GULP1: variants seen among roughly 807,000 people sequenced by gnomAD.
GULP1 encodes the protein PTB domain-containing engulfment adapter protein 1.
Under a neutral mutation model 40.9 loss-of-function variants are expected in GULP1, and 19 were observed. The ratio of observed to expected loss-of-function variants is 0.46; its 90% CI spans 0.32 to 0.68. GULP1 has a LOEUF of 0.68. GULP1 is among the 30% of genes least tolerant of loss of function. GULP1 has a pLI of 0.03. For synonymous variants in GULP1, 119 were observed against 117.6 expected, an observed-to-expected ratio of 1.01 and a Z score of -0.08; for missense variants, 312 against 362.2, an observed-to-expected ratio of 0.86 and a Z score of 1.12.
chr2:188,514,935 G>A (rs2153219548), intron 4 of GULP1, among the ~76,000 whole-genome samples: 1 of 152,196 alleles, frequency 6.6e-6, no homozygotes, highest in Middle Eastern at 3.4e-3. Context: ...ATGTACCATT[G>A]TTTAAGAATC....
intron 2 of GULP1, among the ~76,000 whole-genome samples, chr2:188,385,931 C>G (rs1277108576): frequency 6.6e-6 from 1 of 152,150 alleles, no homozygotes; most frequent in African/African-American, 2.4e-5. Flanking sequence ...TAGGGAGTTC[C>G]AAACTTTCCC....
At chr2:188,551,004 C>T (rs1693319798) in intron 7 of GULP1, among the ~76,000 whole-genome samples, 1 of 151,404 alleles carries the variant, frequency 6.6e-6, no homozygotes. Flanking sequence ...GAAGAATTGG[C>T]TTATTATGAC....
chr2:188,524,484 C>T (rs745306857), intron 5 of GULP1, among the ~76,000 whole-genome samples: 2 of 151,824 alleles, frequency 1.3e-5, no homozygotes, highest in Non-Finnish European at 2.9e-5. Flanking sequence ...ATTTAATAAG[C>T]AATTTTACTG....
chr2:188,309,932 C>T (rs1189556929), intron 1 of GULP1, among the ~76,000 whole-genome samples: 1 of 152,208 alleles, frequency 6.6e-6, no homozygotes, highest in Non-Finnish European at 1.5e-5. Context: ...GACTTATAAG[C>T]TTAATCTGCC....
intron 4 of GULP1, among the ~76,000 whole-genome samples, chr2:188,499,782 A>G (rs1331857116): frequency 1.3e-5 from 2 of 151,862 alleles, no homozygotes; most frequent in Admixed American, 6.6e-5. Context: ...CTACCTATTT[A>G]CATATGTTAA....
intron 2 of GULP1, among the ~76,000 whole-genome samples, chr2:188,429,414 C>A (rs2056595797): frequency 6.6e-6 from 1 of 152,006 alleles, no homozygotes; most frequent in African/African-American, 2.4e-5. Context: ...TTATGAGAAT[C>A]TCTTGAACCC....
intron 7 of GULP1, among the ~76,000 whole-genome samples, chr2:188,548,826 A>AGGTTT (rs1692653755): frequency 1.6e-5 from 1 of 62,652 alleles, no homozygotes; most frequent in African/African-American, 5.4e-5. Context: ...AGGGGAAAGA[A>AGGTTT]GGTTTTGTTT....
intron 1 of GULP1, among the ~76,000 whole-genome samples, chr2:188,365,856 C>T (rs1276799042): frequency 6.6e-6 from 1 of 152,124 alleles, no homozygotes; most frequent in Non-Finnish European, 1.5e-5. Context: ...ATGGTATATG[C>T]ACATTTGAAA....
chr2:188,310,529 T>C (rs1390276664), intron 1 of GULP1, among the ~76,000 whole-genome samples: 3 of 152,144 alleles, frequency 2.0e-5, no homozygotes, highest in South Asian at 2.1e-4. Flanking sequence ...CAAGGAAATA[T>C]GAGACAAAGA....
chr2:188,323,524 C>G (rs967770444), intron 1 of GULP1, among the ~76,000 whole-genome samples: 1 of 151,690 alleles, frequency 6.6e-6, no homozygotes, highest in African/African-American at 2.4e-5. Flanking sequence ...TAAACAATAT[C>G]CTGAAGAATC....
chr2:188,447,550 C>T (rs2058497001), intron 2 of GULP1, among the ~76,000 whole-genome samples: 1 of 152,168 alleles, frequency 6.6e-6, no homozygotes, highest in Non-Finnish European at 1.5e-5. Flanking sequence ...ATTAGAGTCA[C>T]ACCAGCTTAC....
At chr2:188,350,640 C>G (rs777704612) in intron 1 of GULP1, among the ~76,000 whole-genome samples, 9 of 151,694 alleles carry the variant, frequency 5.9e-5, no homozygotes, top group Non-Finnish European at 1.0e-4. Flanking sequence ...ATAGTTCCTC[C>G]TTTTCAATGT....
chr2:188,412,452 G>A (rs1038361799), intron 2 of GULP1, among the ~76,000 whole-genome samples: 3 of 152,070 alleles, frequency 2.0e-5, no homozygotes, highest in Non-Finnish European at 2.9e-5. Flanking sequence ...GGTAGGAAGA[G>A]CCCAAAGTAG....
intron 11 of GULP1, chr2:188,590,231 C>T (rs1703253189): frequency 6.6e-6 from 1 of 152,170 alleles, no homozygotes; most frequent in East Asian, 1.9e-4. Flanking sequence ...ACTTAGACCT[C>T]CCAAAGTGCT....
At chr2:188,411,722 A>G (rs1487419690) in intron 2 of GULP1, among the ~76,000 whole-genome samples, 5 of 152,194 alleles carry the variant, frequency 3.3e-5, no homozygotes, top group Admixed American at 6.5e-5. Flanking sequence ...CTGACCATCC[A>G]GCCAAACCAT....
At chr2:188,356,665 A>T (rs990213430) in intron 1 of GULP1, among the ~76,000 whole-genome samples, 2 of 152,130 alleles carry the variant, frequency 1.3e-5, no homozygotes, top group Admixed American at 1.3e-4. Context: ...AATGACATTC[A>T]TCACAGAAAT....
At chr2:188,563,693 CTGTAA>C (rs1696925217) in intron 7 of GULP1, among the ~76,000 whole-genome samples, 1 of 151,684 alleles carries the variant, frequency 6.6e-6, no homozygotes, top group Admixed American at 6.6e-5. Flanking sequence ...CTATTAAAAT[CTGTAA>C]AACATTTCTT....
At chr2:188,380,660 T>G (rs2152493623) in intron 1 of GULP1, among the ~76,000 whole-genome samples, 1 of 152,292 alleles carries the variant, frequency 6.6e-6, no homozygotes, top group Non-Finnish European at 1.5e-5. Context: ...CCTAAAACAT[T>G]TTGCAAATTA....
In GULP1 at chr2:188,533,034, A is replaced by G. The variant is rs1021476441; in HGVS notation, c.261+3839A>G. Among the ~76,000 whole-genome samples, 4 of 152,194 alleles carry G rather than the reference A, an allele frequency of 2.6e-5. No homozygotes were observed. In the East Asian group the frequency reaches 7.7e-4, roughly 29 times the overall value. On this transcript the variant is annotated intron_variant, in intron 6 of 11. Coordinates refer to ENST00000409830, the MANE Select transcript of GULP1 (RefSeq NM_016315.4). ...TCCTTGGCTTCCTGACCACTTGAAGAAGAAACCTACCTTTATGAAACCCAA... is the reference window on the plus strand; with the variant it reads ...TCCTTGGCTTCCTGACCACTTGAAGGAGAAACCTACCTTTATGAAACCCAA...
Sources: allele counts gnomAD v4.1 joint callset (sites outside exome capture counted in the v4.1 genomes callset), GRCh38; gene constraint gnomAD v4.1.1; transcripts MANE v1.5; gene names NCBI Gene and HGNC (gene_info 2026-07-23, HGNC 2026-07-21).